ZNF528: variants seen among roughly 807,000 people sequenced by gnomAD.
ZNF528 encodes the protein zinc finger protein 528.
Under a neutral mutation model 13.3 loss-of-function variants are expected in ZNF528, and 9 were observed. That is an observed-to-expected ratio of 0.67 (90% confidence interval 0.41 to 1.18). ZNF528 has a LOEUF of 1.18. Among genes scored for constraint, ZNF528 ranks in the 50% most tolerant of loss-of-function variants. ZNF528 has a pLI of 0.01. For synonymous variants in ZNF528, 264 were observed against 254.3 expected (o/e 1.04, Z -0.36); for missense variants, 858 against 745.4 (o/e 1.15, Z -1.76).
intron 6 of ZNF528, 85 bp from the exon 7 acceptor site, chr19:52,415,039 G>C: frequency 1.9e-6 from 3 of 1,593,638 alleles, no homozygotes; most frequent in Non-Finnish European, 2.6e-6. Context: ...GTCTGAGTCA[G>C]GTGAGGCAGA....
intron 4 of ZNF528, among the ~76,000 whole-genome samples, chr19:52,403,557 G>A (rs187795199): frequency 4.0e-5 from 6 of 151,848 alleles, no homozygotes; most frequent in African/African-American, 7.3e-5. Context: ...CTACTTGGGC[G>A]GCTGAGGTAG....
At chr19:52,411,003 G>T (rs1427420918) in intron 6 of ZNF528, among the ~76,000 whole-genome samples, 1 of 152,158 alleles carries the variant, frequency 6.6e-6, no homozygotes, top group African/African-American at 2.4e-5. Flanking sequence ...CTACGTAATG[G>T]TATGGGGAAG....
Position 52,416,827 on chromosome 19 carries a change from T to A in ZNF528, c.*88T>A. ...GAGTCCATACTAAGTGGAAATCATA[T>A]AAATGAAATGTATGTGACACAGGCT... On this transcript the variant is annotated 3_prime_UTR_variant, in exon 7 of 7. Coordinates refer to ENST00000360465, the MANE Select transcript of ZNF528 (RefSeq NM_032423.3). 7.4e-7 allele frequency: 1 copy of A among 1,343,784 alleles called. No individual in the cohort carries two copies. The highest frequency in any genetic ancestry group is 1.0e-6 in the Non-Finnish European group (1 of 994,346). 83.2% of individuals were successfully genotyped at this position (1,343,784 alleles called of 1,614,324 possible). A position where few individuals can be genotyped will look rare whatever the true frequency, so the allele number is the denominator to read the frequency against.
At position 52,416,675 on chromosome 19, in the gene ZNF528, C is replaced by G. The variant is rs777526779; in HGVS notation, c.1823C>G (p.Thr608Ser). 1 of 1,613,742 alleles carries G rather than the reference C, an allele frequency of 6.2e-7. No homozygotes were observed. The highest frequency in any genetic ancestry group is 1.1e-5 in the South Asian group (1 of 91,080). The part of the protein sequence containing the change: ...IHIGEKPYKC[T>S]LCSKVFSHNS... ...ATTGGAGAGAAACCTTACAAATGCA[C>G]CCTGTGCAGTAAGGTCTTCAGTCAC... The change falls in exon 7 of 7, where the codon ACC (threonine) becomes AGC (serine). Residue 608 changes from threonine (T) to serine (S), a missense_variant. Coordinates refer to ENST00000360465, the MANE Select transcript of ZNF528 (RefSeq NM_032423.3).
At position 52,415,755 on chromosome 19, in the gene ZNF528, A is replaced by G. The variant is rs1445881674; in HGVS notation, c.903A>G (p.Glu301=). The change falls in exon 7 of 7, where the codon GAA becomes GAG. Residue 301 remains glutamate, a synonymous_variant. Transcript: ENST00000360465. ...HTGEKPYKCH[E]CDKVFNQIAH... ...GAGAGAAGCCTTACAAATGTCATGA[A>G]TGTGACAAGGTCTTCAATCAAATTG... 6.2e-7 allele frequency: 1 copy of G among 1,614,040 alleles called. No homozygotes were observed. The highest frequency in any genetic ancestry group is 8.5e-7 in the Non-Finnish European group (1 of 1,180,044).
At chr19:52,399,182 G>A (rs2058762935) in intron 2 of ZNF528, among the ~76,000 whole-genome samples, 1 of 152,162 alleles carries the variant, frequency 6.6e-6, no homozygotes, top group Non-Finnish European at 1.5e-5. Flanking sequence ...AGATGAGAAT[G>A]AGAGATATGT....
In ZNF528 at chr19:52,415,619, T is replaced by C. The variant is rs768075945; in HGVS notation, c.767T>C (p.Leu256Pro). Residue 256 changes from leucine (L) to proline (P), a missense_variant, in exon 7 of 7, where the codon CTT (leucine) becomes CCT (proline). Coordinates refer to ENST00000360465, the MANE Select transcript of ZNF528 (RefSeq NM_032423.3). Reference protein sequence around the residue: ...CGKLFSSNSNLSQHQRIHTGE... With the variant: ...CGKLFSSNSNPSQHQRIHTGE... ...AAGCTCTTCAGTAGCAATTCAAACC[T>C]TTCACAACATCAAAGAATTCATACT... 1 of 1,614,132 alleles carries C rather than the reference T, an allele frequency of 6.2e-7. No individual in the cohort carries two copies. The highest frequency in any genetic ancestry group is 1.3e-5 in the African/African-American group (1 of 75,036).
At chr19:52,404,302 G>A (rs546881817) in intron 4 of ZNF528, among the ~76,000 whole-genome samples, 5 of 151,284 alleles carry the variant, frequency 3.3e-5, no homozygotes, top group South Asian at 2.1e-4. Context: ...ATCTTGGCTC[G>A]CTGCAACCTC....
chr19:52,404,090 T>C (rs1252623996), intron 4 of ZNF528, among the ~76,000 whole-genome samples: 2 of 152,196 alleles, frequency 1.3e-5, no homozygotes, highest in Admixed American at 6.5e-5. Flanking sequence ...TTTGATTCTT[T>C]AGGTTTGATT....
chr19:52,403,568 G>T (rs1485313375), intron 4 of ZNF528, among the ~76,000 whole-genome samples: 1 of 148,632 alleles, frequency 6.7e-6, no homozygotes, highest in African/African-American at 2.5e-5. Context: ...GCTGAGGTAG[G>T]AGAATCGCTT....
chr19:52,403,364 T>A (rs1009591759), intron 4 of ZNF528, among the ~76,000 whole-genome samples: 1 of 151,978 alleles, frequency 6.6e-6, no homozygotes. Context: ...ATGAAAAATA[T>A]GTAAAAAATA....
chr19:52,409,927 C>G (rs566511760), intron 6 of ZNF528, among the ~76,000 whole-genome samples: 1 of 152,254 alleles, frequency 6.6e-6, no homozygotes, highest in East Asian at 1.9e-4. Context: ...GTTGGTCAGG[C>G]TGGTCTCGAA....
chr19:52,402,061 T>C (rs376669127), intron 4 of ZNF528, 33 bp downstream of exon 4: 1 of 1,614,124 alleles, frequency 6.2e-7, no homozygotes, highest in Non-Finnish European at 8.5e-7. Flanking sequence ...TTGTTCTGTC[T>C]CTGTTTCTTC....
chr19:52,403,315 T>C (rs984710242), intron 4 of ZNF528, among the ~76,000 whole-genome samples: 3 of 152,126 alleles, frequency 2.0e-5, no homozygotes, highest in African/African-American at 7.2e-5. Flanking sequence ...GGACAATGTA[T>C]TGAGACCCTG....
intron 6 of ZNF528, among the ~76,000 whole-genome samples, chr19:52,407,256 A>C (rs992931721): frequency 1.1e-3 from 166 of 151,720 alleles, no homozygotes; most frequent in Non-Finnish European, 2.0e-3. Flanking sequence ...CTCCCACCTC[A>C]GCCTCCTGAA....
chr19:52,402,853 C>G (rs1358105301), intron 4 of ZNF528, among the ~76,000 whole-genome samples: 1 of 152,088 alleles, frequency 6.6e-6, no homozygotes, highest in Admixed American at 6.5e-5. Flanking sequence ...ACCTAAATAA[C>G]AATATTTTAA....
intron 6 of ZNF528, chr19:52,408,441 C>T (rs1014547951): frequency 4.6e-5 from 7 of 152,338 alleles, no homozygotes; most frequent in African/African-American, 1.7e-4. Context: ...GCTGGGATTA[C>T]AGGTGTGCCA....
At chr19:52,399,369 T>G (rs1255163714) in intron 2 of ZNF528, among the ~76,000 whole-genome samples, 1 of 152,202 alleles carries the variant, frequency 6.6e-6, no homozygotes, top group Non-Finnish European at 1.5e-5. Flanking sequence ...CCCAGTACTT[T>G]GGGAAGCTGA....
At chr19:52,412,990 C>A (rs1381227872) in intron 6 of ZNF528, 1 of 152,198 alleles carries the variant, frequency 6.6e-6, no homozygotes, top group Non-Finnish European at 1.5e-5. Flanking sequence ...CGTTTGCATT[C>A]TCAAAAGCTA....
Sources: allele counts gnomAD v4.1 joint callset (sites outside exome capture counted in the v4.1 genomes callset), GRCh38; gene constraint gnomAD v4.1.1; transcripts MANE v1.5; gene names NCBI Gene and HGNC (gene_info 2026-07-23, HGNC 2026-07-21).